The following COL5A1 variants were observed in gnomAD, a reference collection of about 807,000 sequenced individuals.
The protein encoded by COL5A1 is collagen type V alpha 1 chain.
A neutral mutation model predicts 263.7 loss-of-function variants in COL5A1; 16 were observed. The observed-to-expected ratio is 0.06, with a 90% CI of 0.04 to 0.09. The LOEUF (loss-of-function observed/expected upper bound fraction) is 0.09, where lower values mean the gene tolerates loss of function less well. COL5A1 is among the 10% of genes least tolerant of loss of function. The pLI is 1.00. For synonymous variants in COL5A1, 1,012 were observed against 1,004.5 expected, an observed-to-expected ratio of 1.01 and a Z score of -0.14; for missense variants, 2,036 against 2,540.5, an observed-to-expected ratio of 0.80 and a Z score of 4.27.
intron 1 of COL5A1, among the ~76,000 whole-genome samples, chr9:134,646,167 T>C (rs1341056983): frequency 6.6e-6 from 1 of 152,166 alleles, no homozygotes; most frequent in African/African-American, 2.4e-5. Context: ...CGGGCCTATC[T>C]TGGGGAGACC....
intron 1 of COL5A1, among the ~76,000 whole-genome samples, chr9:134,684,912 CCCATCCATCCATTCAT>C (rs982320139): frequency 6.7e-6 from 1 of 149,176 alleles, no homozygotes; most frequent in Non-Finnish European, 1.5e-5. Flanking sequence ...TATCCATTCA[CCCATCCATCCATTCAT>C]CCATCCATCC....
At chr9:134,760,122 A>G in intron 18 of COL5A1, among the ~76,000 whole-genome samples, 1 of 113,462 alleles carries the variant, frequency 8.8e-6, no homozygotes, top group African/African-American at 3.4e-5. Context: ...ACACGCCCAC[A>G]CACCCCCACA....
intron 18 of COL5A1, among the ~76,000 whole-genome samples, chr9:134,759,801 C>T (rs1836219790): frequency 9.0e-6 from 1 of 111,532 alleles, no homozygotes; most frequent in Non-Finnish European, 1.8e-5. Flanking sequence ...ACACACACCA[C>T]ACATGCACAC....
intron 1 of COL5A1, 148 bp from the exon 2 acceptor site, chr9:134,690,764 C>A (rs149632687): frequency 1.1e-6 from 1 of 948,748 alleles, no homozygotes; most frequent in African/African-American, 1.6e-5. Context: ...GCCCAGCACG[C>A]GGCTCTAAGC....
At chr9:134,825,642 A>G (rs2132887096) in intron 62 of COL5A1, 150 bp from the exon 63 acceptor site, 1 of 610,178 alleles carries the variant, frequency 1.6e-6, no homozygotes. Flanking sequence ...GCAAAATGCA[A>G]TAAAGTAAAC....
At chr9:134,763,013 CATGTGCATGCACAGGGTGTATGT>C (rs1030473489) in intron 19 of COL5A1, among the ~76,000 whole-genome samples, 16 of 152,164 alleles carry the variant, frequency 1.1e-4, no homozygotes, top group African/African-American at 3.1e-4. Flanking sequence ...GCTGTGTATG[CATGTGCATGCACAGGGTGTATGT>C]GTGTGCACAA....
intron 60 of COL5A1, 143 bp downstream of exon 60, chr9:134,823,176 C>A: frequency 1.8e-6 from 2 of 1,120,684 alleles, no homozygotes; most frequent in Non-Finnish European, 2.7e-6. Context: ...CTACACTGAC[C>A]CATGGCGGAC....
intron 14 of COL5A1, among the ~76,000 whole-genome samples, chr9:134,752,889 C>A (rs889005125): frequency 6.6e-6 from 1 of 152,158 alleles, no homozygotes; most frequent in Middle Eastern, 3.4e-3. Flanking sequence ...GGGAGTTCAG[C>A]GGGGTAGAGC....
At chr9:134,729,087 G>A (rs890216277) in intron 6 of COL5A1, among the ~76,000 whole-genome samples, 6 of 152,214 alleles carry the variant, frequency 3.9e-5, no homozygotes, top group South Asian at 4.1e-4. Flanking sequence ...CACCCTGTAC[G>A]AGGCACAGGG....
intron 39 of COL5A1, 77 bp downstream of exon 39, chr9:134,803,072 C>G: frequency 8.4e-7 from 1 of 1,193,362 alleles, no homozygotes; most frequent in African/African-American, 1.5e-5. Flanking sequence ...TTTTCTTGCC[C>G]TTTTCTGATG....
chr9:134,698,575 A>G (rs1833564510), intron 2 of COL5A1, among the ~76,000 whole-genome samples: 1 of 152,170 alleles, frequency 6.6e-6, no homozygotes, highest in Non-Finnish European at 1.5e-5. Flanking sequence ...AAGCCTCAGG[A>G]TGCTGTGGGA....
Position 134,842,533 on chromosome 9 carries a change from C to T in COL5A1, c.*230C>T. 1 of 613,258 alleles carries T rather than the reference C, an allele frequency of 1.6e-6. No homozygotes were observed. The highest frequency in any genetic ancestry group is 2.9e-6 in the Non-Finnish European group (1 of 346,890). The allele number at this position is 613,258 out of a possible 1,614,324, so 38.0% of individuals were successfully genotyped here. On this transcript the variant is annotated 3_prime_UTR_variant, in exon 66 of 66. Coordinates refer to ENST00000371817, the MANE Select transcript of COL5A1 (RefSeq NM_000093.5). This position sits in a 1 kb window ranked among gnomAD's most constrained non-coding sequence, Gnocchi z 5.8. ...TGAATCACATGACCTAGCTGCACCC[C>T]AGCGCCTGGGCCCGCCCCACGCTCT...
Position 134,766,458 on chromosome 9 carries a change from T to A in COL5A1, c.2093T>A (p.Val698Asp), listed in dbSNP as rs1386050123. 11 of 1,614,168 alleles carry A rather than the reference T, an allele frequency of 6.8e-6. No homozygotes were observed. Among genetic ancestry groups the A allele is most frequent in the Middle Eastern group, 3.3e-4 (2 of 6,060 alleles). ...TCTTCTTAAAATCGTACACAGGGTG[T>A]CACGGGTATGGACGGCCAGCCGGGG... ...GPPGPPGPPGVTGMDGQPGPK... is the reference protein window; with the variant it reads ...GPPGPPGPPGDTGMDGQPGPK... The change falls in exon 22 of 66, where the codon GTC (valine) becomes GAC (aspartate). Residue 698 changes from valine (V) to aspartate (D), a missense_variant. By Grantham distance (152) the Val-to-Asp change is radical (BLOSUM62 -3). Coordinates refer to ENST00000371817, the MANE Select transcript of COL5A1 (RefSeq NM_000093.5).
chr9:134,839,190 G>C (rs972864583), intron 65 of COL5A1, among the ~76,000 whole-genome samples: 9 of 152,342 alleles, frequency 5.9e-5, no homozygotes, highest in African/African-American at 2.2e-4. Context: ...GGGCCCAGTG[G>C]AGAGGCACAA....
intron 48 of COL5A1, 26 bp downstream of exon 48, chr9:134,812,738 C>G (rs1838576318): frequency 2.0e-6 from 3 of 1,475,084 alleles, no homozygotes; most frequent in Non-Finnish European, 2.8e-6. Flanking sequence ...GCTCTGGTGG[C>G]AGATTTGCGG....
At chr9:134,838,693 C>T (rs1377381865) in intron 65 of COL5A1, among the ~76,000 whole-genome samples, 1 of 152,246 alleles carries the variant, frequency 6.6e-6, no homozygotes, top group African/African-American at 2.4e-5. Context: ...AGACTGCACT[C>T]TGGGCAGGGA....
At chr9:134,777,333 C>T (rs1588536976) in intron 27 of COL5A1, among the ~76,000 whole-genome samples, 1 of 152,336 alleles carries the variant, frequency 6.6e-6, no homozygotes, top group East Asian at 1.9e-4. Context: ...CTTCCCGGGG[C>T]GGCTGGCCGG....
rs199735010 is a variant in COL5A1 at position 134,802,904 on chromosome 9, C to T, written c.3023C>T (p.Thr1008Met). 132 of 1,612,110 alleles carry T rather than the reference C, an allele frequency of 8.2e-5. No homozygotes were observed. The highest frequency in any genetic ancestry group is 9.1e-5 in the Non-Finnish European group (107 of 1,179,504). The change falls in exon 39 of 66, where the codon ACG (threonine) becomes ATG (methionine). Residue 1008 changes from threonine to methionine, a missense_variant. Physicochemically the swap from Thr to Met is moderately conservative, Grantham distance 81. Coordinates refer to ENST00000371817, the MANE Select transcript of COL5A1 (RefSeq NM_000093.5). ...VVGPQGPTGE[T>M]GPMGERGHPG... is the part of the protein sequence containing the mutation. ...TCCCCACAGGGTCCCACGGGAGAAA[C>T]GGGCCCAATGGGTGAGCGTGGCCAC...
chr9:134,827,300 A>G (rs1187262654), intron 63 of COL5A1, among the ~76,000 whole-genome samples: 2 of 152,184 alleles, frequency 1.3e-5, no homozygotes, highest in African/African-American at 2.4e-5. Flanking sequence ...TTAGGAGCCC[A>G]CTGGCTGCAG....
Sources: gnomAD v4.1 joint callset for allele counts (sites outside exome capture counted in the v4.1 genomes callset) on GRCh38, gnomAD v4.1.1 for gene constraint, Gnocchi (gnomAD v3.1) non-coding constraint, MANE v1.5 for transcripts, NCBI Gene and HGNC (gene_info 2026-07-23, HGNC 2026-07-21) for gene names.